Variants in GRIN2B observed in about 807,000 individuals in gnomAD.
GRIN2B encodes the protein glutamate receptor ionotropic, NMDA 2B.
A neutral mutation model predicts 114.5 loss-of-function variants in GRIN2B; 5 were observed. The ratio of observed to expected loss-of-function variants is 0.04; its 90% CI spans 0.02 to 0.09. The LOEUF is 0.09. Ranked by LOEUF, GRIN2B falls within the 10% of genes least tolerant of loss-of-function variation. The probability of loss-of-function intolerance (pLI) is 1.00; values close to 1 mark genes in which losing one functional copy is unlikely to be tolerated. For synonymous variants in GRIN2B, 787 were observed against 745.1 expected (o/e 1.06, Z -0.92); for missense variants, 1,108 against 1,943.5 (o/e 0.57, Z 8.08).
chr12:13,862,544 T>G (rs1356273852), intron 3 of GRIN2B, among the ~76,000 whole-genome samples: 1 of 152,230 alleles, frequency 6.6e-6, no homozygotes, highest in Non-Finnish European at 1.5e-5. Context: ...CTGCATCAGT[T>G]CCACTTTCAA....
At chr12:13,751,518 C>T (rs144564095) in intron 4 of GRIN2B, among the ~76,000 whole-genome samples, 7 of 152,088 alleles carry the variant, frequency 4.6e-5, no homozygotes, top group East Asian at 1.9e-4. Flanking sequence ...GCAAACAGTA[C>T]GATTGACTAT....
chr12:13,777,056 C>T (rs1864018839), intron 3 of GRIN2B, among the ~76,000 whole-genome samples: 1 of 152,078 alleles, frequency 6.6e-6, no homozygotes, highest in African/African-American at 2.4e-5. Context: ...GAATCCCAAG[C>T]CCTATCCCAT....
chr12:13,580,134 C>T lies in GRIN2B; in HGVS notation c.2011-8170G>A, dbSNP rs186331006. ...GTGTCAAAGCAGTGGTCGTTCTGACCACCAGTCAAGGCCATCTCCTGATCA... is the reference window on the plus strand; with the variant it reads ...GTGTCAAAGCAGTGGTCGTTCTGACTACCAGTCAAGGCCATCTCCTGATCA... On this transcript the variant is annotated intron_variant, in intron 10 of 13. Coordinates refer to ENST00000609686, the MANE Select transcript of GRIN2B (RefSeq NM_000834.5). Among the ~76,000 whole-genome samples the T allele has an allele frequency of 1.6e-4, 24 of 152,256 alleles. No individual in the cohort carries two copies. In the East Asian group the frequency reaches 4.1e-3, roughly 26 times the overall value.
intron 2 of GRIN2B, among the ~76,000 whole-genome samples, chr12:13,955,592 G>T (rs1220079377): frequency 6.6e-6 from 1 of 152,162 alleles, no homozygotes; most frequent in Non-Finnish European, 1.5e-5. Flanking sequence ...ATTCTACTCA[G>T]CTAAAGTCAG....
intron 3 of GRIN2B, among the ~76,000 whole-genome samples, chr12:13,855,842 C>T (rs1177001305): frequency 1.3e-5 from 2 of 152,218 alleles, no homozygotes; most frequent in African/African-American, 2.4e-5. Context: ...GATCACCATG[C>T]TACCCAGTGC....
chr12:13,569,214 T>C (rs998476807), intron 12 of GRIN2B, among the ~76,000 whole-genome samples: 3 of 152,276 alleles, frequency 2.0e-5, no homozygotes, highest in Non-Finnish European at 4.4e-5. Flanking sequence ...TGTTATGGGT[T>C]GAAAGATGTT....
chr12:13,948,954 A>G (rs1591636754), intron 2 of GRIN2B, among the ~76,000 whole-genome samples: 1 of 152,296 alleles, frequency 6.6e-6, no homozygotes, highest in East Asian at 1.9e-4. Context: ...GAAAGAACTA[A>G]GTTCTTGGGA....
At chr12:13,782,103 G>A (rs1242097441) in intron 3 of GRIN2B, among the ~76,000 whole-genome samples, 1 of 152,204 alleles carries the variant, frequency 6.6e-6, no homozygotes, top group Non-Finnish European at 1.5e-5. Flanking sequence ...TTGAGCTAGT[G>A]AGGTTGAACG....
At chr12:13,838,599 A>AC (rs568522221) in intron 3 of GRIN2B, among the ~76,000 whole-genome samples, 59 of 150,336 alleles carry the variant, frequency 3.9e-4, no homozygotes, top group African/African-American at 1.3e-3. Flanking sequence ...TCTCCCCACC[A>AC]CCCCCCCATC....
At position 13,808,177 on chromosome 12, in the gene GRIN2B, T is replaced by C. The variant is rs147331435; in HGVS notation, c.412-54262A>G. Among the ~76,000 whole-genome samples, 927 of 152,116 alleles carry C rather than the reference T, an allele frequency of 6.1e-3. 6 individuals carry two copies. The highest frequency in any genetic ancestry group is 0.01 in the Middle Eastern group (3 of 294). ...GCGGACATTCTCTCTTTCCCATCAGTGTGCATCAGCATTTTTAAACACTGA... is the reference window on the plus strand; with the variant it reads ...GCGGACATTCTCTCTTTCCCATCAGCGTGCATCAGCATTTTTAAACACTGA... On this transcript the variant is annotated intron_variant, in intron 3 of 13. Coordinates refer to ENST00000609686, the MANE Select transcript of GRIN2B (RefSeq NM_000834.5).
intron 3 of GRIN2B, among the ~76,000 whole-genome samples, chr12:13,757,556 T>G (rs1863598832): frequency 6.6e-6 from 1 of 152,240 alleles, no homozygotes; most frequent in South Asian, 2.1e-4. Flanking sequence ...CTTACATTTT[T>G]ATCTCCTAAT....
chr12:13,805,713 C>T (rs919150556), intron 3 of GRIN2B, among the ~76,000 whole-genome samples: 3 of 152,026 alleles, frequency 2.0e-5, no homozygotes, highest in African/African-American at 7.2e-5. Flanking sequence ...TATACATTAC[C>T]ACACATACTT....
intron 3 of GRIN2B, among the ~76,000 whole-genome samples, chr12:13,789,208 G>A (rs1234510443): frequency 6.6e-6 from 1 of 152,142 alleles, no homozygotes; most frequent in Non-Finnish European, 1.5e-5. Flanking sequence ...AGCCTCTGTA[G>A]GATCCATGCC....
intron 2 of GRIN2B, among the ~76,000 whole-genome samples, chr12:13,879,718 C>A (rs1415100080): frequency 6.6e-6 from 1 of 152,224 alleles, no homozygotes; most frequent in Non-Finnish European, 1.5e-5. Context: ...ATAGGAATGG[C>A]AAGGGGGACA....
chr12:13,592,462 T>C (rs571122355), intron 10 of GRIN2B, among the ~76,000 whole-genome samples: 2 of 152,322 alleles, frequency 1.3e-5, no homozygotes, highest in East Asian at 3.9e-4. Context: ...CCTGTTGCAC[T>C]CTTGCAATGC....
At chr12:13,968,992 A>G (rs1867835254) in intron 2 of GRIN2B, among the ~76,000 whole-genome samples, 1 of 152,222 alleles carries the variant, frequency 6.6e-6, no homozygotes. Context: ...TCTTAGAGGA[A>G]CCAGAGTCTT....
rs183832112 is a variant in GRIN2B, at chr12:13,555,496, G to A, written c.*7287C>T. ...TTGTCTTTAGAGATAGTTGTAGGACGGGTGTTTTTGAGATAGTTGCAGGTA... is the reference window on the plus strand; with the variant it reads ...TTGTCTTTAGAGATAGTTGTAGGACAGGTGTTTTTGAGATAGTTGCAGGTA... On this transcript the variant is annotated 3_prime_UTR_variant, in exon 14 of 14. Transcript: ENST00000609686. The A allele has an allele frequency of 2.0e-5, 3 of 152,110 alleles. No homozygotes were observed. Among genetic ancestry groups the A allele is most frequent in the Admixed American group, 6.6e-5 (1 of 15,250 alleles). 9.4% of individuals were successfully genotyped at this position (152,110 alleles called of 1,614,324 possible).
At chr12:13,881,267 C>T (rs1866069496) in intron 2 of GRIN2B, among the ~76,000 whole-genome samples, 1 of 152,170 alleles carries the variant, frequency 6.6e-6, no homozygotes, top group Admixed American at 6.5e-5. Context: ...TGTTTCTTCC[C>T]CCATTGCACC....
intron 5 of GRIN2B, among the ~76,000 whole-genome samples, chr12:13,637,734 C>T (rs760898290): frequency 5.9e-5 from 9 of 152,140 alleles, no homozygotes; most frequent in Non-Finnish European, 8.8e-5. Context: ...CTATTTAGGA[C>T]ACTATACCCT....
Sources: gnomAD v4.1 joint callset for allele counts (sites outside exome capture counted in the v4.1 genomes callset) on GRCh38, gnomAD v4.1.1 for gene constraint, MANE v1.5 for transcripts, NCBI Gene and HGNC (gene_info 2026-07-23, HGNC 2026-07-21) for gene names.